The following CTNND2 variants were observed in gnomAD, a reference collection of about 807,000 sequenced individuals.
CTNND2 encodes the protein catenin delta 2.
Under a neutral mutation model 144.4 loss-of-function variants are expected in CTNND2, and 22 were observed. The observed-to-expected ratio is 0.15, with a 90% CI of 0.11 to 0.22. CTNND2 has a LOEUF of 0.22. CTNND2 is among the 10% of genes least tolerant of loss of function. CTNND2 has a pLI of 1.00. For synonymous variants in CTNND2, 751 were observed against 695.6 expected (o/e 1.08, Z -1.25); for missense variants, 1,353 against 1,618.8 (o/e 0.84, Z 2.82).
chr5:11,771,081 C>T (rs1384810651), intron 1 of CTNND2, among the ~76,000 whole-genome samples: 1 of 151,732 alleles, frequency 6.6e-6, no homozygotes, highest in Non-Finnish European at 1.5e-5. Context: ...TCACGATATA[C>T]ATATGAAATG....
At chr5:11,710,556 AAGAC>A (rs1203990652) in intron 2 of CTNND2, among the ~76,000 whole-genome samples, 2 of 151,756 alleles carry the variant, frequency 1.3e-5, no homozygotes, top group East Asian at 1.9e-4. Context: ...AAAAAAAAAA[AAGAC>A]AGAAAGAAAA....
chr5:11,862,467 C>A (rs563181877), intron 1 of CTNND2, among the ~76,000 whole-genome samples: 53 of 152,208 alleles, frequency 3.5e-4, no homozygotes, highest in African/African-American at 1.2e-3. Flanking sequence ...AAAATTTATT[C>A]CATCTATTCA....
At chr5:11,559,912 C>T (rs966721958) in intron 3 of CTNND2, among the ~76,000 whole-genome samples, 5 of 152,196 alleles carry the variant, frequency 3.3e-5, no homozygotes, top group African/African-American at 1.2e-4. Flanking sequence ...GACCTGGCTG[C>T]AGAGGCCATC....
chr5:11,796,657 T>C (rs1423979388), intron 1 of CTNND2, among the ~76,000 whole-genome samples: 1 of 152,228 alleles, frequency 6.6e-6, no homozygotes, highest in African/African-American at 2.4e-5. Flanking sequence ...CCAATCTGTT[T>C]TTTGAAAATG....
Position 10,973,406 on chromosome 5 carries a change from G to A in CTNND2, c.*47C>T. The A allele has an allele frequency of 1.3e-6, 2 of 1,483,638 alleles. No homozygotes were observed. Among genetic ancestry groups the A allele is most frequent in the Non-Finnish European group, 1.8e-6 (2 of 1,116,398 alleles). 91.9% of individuals were successfully genotyped at this position (1,483,638 alleles called of 1,614,324 possible). ...AACAAAACAGAAAGAAATGTCTTGTGGTATGCATGCACATGCACTGTTCCC... is the reference window on the plus strand; with the variant it reads ...AACAAAACAGAAAGAAATGTCTTGTAGTATGCATGCACATGCACTGTTCCC... On this transcript the variant is annotated 3_prime_UTR_variant, in exon 22 of 22. Transcript: ENST00000304623. The surrounding 1 kb of genome is among the most constrained non-coding windows in gnomAD (Gnocchi z 5.6).
At chr5:11,050,620 A>T (rs1447170781) in intron 16 of CTNND2, among the ~76,000 whole-genome samples, 1 of 152,322 alleles carries the variant, frequency 6.6e-6, no homozygotes, top group East Asian at 1.9e-4. Context: ...TAAAAACAGA[A>T]CTTTGACCCA....
At chr5:11,201,573 C>A (rs1357676115) in intron 10 of CTNND2, among the ~76,000 whole-genome samples, 3 of 152,156 alleles carry the variant, frequency 2.0e-5, no homozygotes, top group Non-Finnish European at 4.4e-5. Flanking sequence ...CAAATGAAAG[C>A]AGAAAAAGTG....
chr5:11,470,982 T>TATATATATATATATATATA (rs56744030), intron 3 of CTNND2, among the ~76,000 whole-genome samples: 19 of 37,904 alleles, frequency 5.0e-4, no homozygotes, highest in East Asian at 1.2e-3. Context: ...ATATATATAT[T>TATATATATATATATATATA]TTTTTTTTTT....
At chr5:11,754,799 G>C (rs1400739976) in intron 1 of CTNND2, among the ~76,000 whole-genome samples, 2 of 151,328 alleles carry the variant, frequency 1.3e-5, no homozygotes, top group African/African-American at 4.8e-5. Flanking sequence ...TGTTTATATA[G>C]TGGATTTTTT....
chr5:11,138,738 T>C (rs760035743), intron 12 of CTNND2, among the ~76,000 whole-genome samples: 8 of 152,220 alleles, frequency 5.3e-5, no homozygotes, highest in Non-Finnish European at 7.3e-5. Flanking sequence ...AAAGTTAGCT[T>C]TGCTAGGAGC....
chr5:11,182,581 C>T (rs1735197064), intron 11 of CTNND2, among the ~76,000 whole-genome samples: 1 of 152,024 alleles, frequency 6.6e-6, no homozygotes, highest in African/African-American at 2.4e-5. Flanking sequence ...CCCTCAACTT[C>T]CCGCCCTCAA....
intron 2 of CTNND2, among the ~76,000 whole-genome samples, chr5:11,709,258 A>G (rs1419827539): frequency 2.6e-5 from 4 of 152,220 alleles, no homozygotes. Context: ...CACTCGGCTA[A>G]TGGGCAGTAT....
At chr5:11,727,761 G>T (rs1787104545) in intron 2 of CTNND2, among the ~76,000 whole-genome samples, 1 of 151,932 alleles carries the variant, frequency 6.6e-6, no homozygotes, top group Non-Finnish European at 1.5e-5. Flanking sequence ...TGATAATTTT[G>T]TCATTAATTT....
At chr5:11,315,325 A>T (rs79016303) in intron 9 of CTNND2, among the ~76,000 whole-genome samples, 398 of 152,342 alleles carry the variant, frequency 2.6e-3, no homozygotes, top group African/African-American at 8.9e-3. Context: ...GAGAGTGAAG[A>T]TCTCAAATTC....
At chr5:10,997,004 G>A (rs777533429) in intron 18 of CTNND2, among the ~76,000 whole-genome samples, 4 of 152,116 alleles carry the variant, frequency 2.6e-5, no homozygotes, top group Non-Finnish European at 4.4e-5. Flanking sequence ...GCCTTTGATC[G>A]AGGGGTCCAA....
At chr5:11,809,196 C>T (rs1792179849) in intron 1 of CTNND2, among the ~76,000 whole-genome samples, 1 of 152,130 alleles carries the variant, frequency 6.6e-6, no homozygotes, top group Admixed American at 6.5e-5. Context: ...CTTTGGAGAA[C>T]TGAATATCAG....
chr5:11,177,162 C>G (rs963754609), intron 11 of CTNND2, among the ~76,000 whole-genome samples: 25 of 152,140 alleles, frequency 1.6e-4, no homozygotes, highest in African/African-American at 5.8e-4. Context: ...TCCCTTATTT[C>G]ACGTCAACAA....
chr5:11,479,389 C>T (rs1768038246), intron 3 of CTNND2, among the ~76,000 whole-genome samples: 1 of 152,086 alleles, frequency 6.6e-6, no homozygotes, highest in Admixed American at 6.6e-5. Flanking sequence ...TTTATTTATC[C>T]AATGTACCTT....
intron 9 of CTNND2, among the ~76,000 whole-genome samples, chr5:11,302,149 T>C (rs2150034565): frequency 6.6e-6 from 1 of 152,328 alleles, no homozygotes; most frequent in East Asian, 1.9e-4. Flanking sequence ...CTGCCCTCTT[T>C]GCTTTTGAAT....
Sources: allele counts gnomAD v4.1 joint callset (sites outside exome capture counted in the v4.1 genomes callset), GRCh38; gene constraint gnomAD v4.1.1; non-coding constraint Gnocchi (gnomAD v3.1); transcripts MANE v1.5; gene names NCBI Gene and HGNC (gene_info 2026-07-23, HGNC 2026-07-21).